Variants in MUC6 observed in about 807,000 individuals in gnomAD.
MUC6 encodes the protein mucin 6, oligomeric mucus/gel-forming (gene/pseudogene), also known as mucin-6.
In MUC6, 188 loss-of-function variants were observed where a neutral mutation model predicts 201.5. The ratio of observed to expected loss-of-function variants is 0.93; its 90% CI spans 0.83 to 1.05. The LOEUF is 1.05. MUC6 is among the 50% of genes least tolerant of loss of function. The pLI is 0.00. For missense variants in MUC6, 2,706 were observed against 3,256.9 expected (o/e 0.83, Z 4.12); for synonymous variants, 1,228 against 1,389.4 (o/e 0.88, Z 2.58).
Position 1,033,293 on chromosome 11 carries a change from A to T in MUC6, c.53-218T>A. 1 of 562,778 alleles carries T rather than the reference A, an allele frequency of 1.8e-6. No homozygotes were observed. The highest frequency in any genetic ancestry group is 3.2e-6 in the Non-Finnish European group (1 of 311,304). The allele number at this position is 562,778 out of a possible 1,614,324, so 34.9% of individuals were successfully genotyped here. A position where few individuals can be genotyped will look rare whatever the true frequency, so the allele number is the denominator to read the frequency against. On this transcript the variant is annotated intron_variant, in intron 1 of 32. Transcript: ENST00000421673. The surrounding 1 kb of genome is among the most constrained non-coding windows in gnomAD (Gnocchi z 5.6). ...CCAGCTTCCTTCCCTGCTCTCGTTC[A>T]CTCCCTCGTTTGTCCACTCAGTCCC...
At chr11:1,031,308 T>C (rs1024545602) in intron 4 of MUC6, 49 bp from the exon 5 acceptor site, 7 of 1,503,442 alleles carry the variant, frequency 4.7e-6, no homozygotes, top group Non-Finnish European at 5.4e-6. Flanking sequence ...GGCCCCCTCA[T>C]CTGCTGTGGA....
intron 16 of MUC6, 76 bp downstream of exon 16, chr11:1,027,609 A>G: frequency 6.3e-7 from 1 of 1,585,750 alleles, no homozygotes; most frequent in Non-Finnish European, 8.6e-7. Flanking sequence ...GCAGAGCCTC[A>G]GAGCTTGGGG....
intron 26 of MUC6, among the ~76,000 whole-genome samples, chr11:1,022,078 C>T (rs1442596733): frequency 7.0e-6 from 1 of 142,866 alleles, no homozygotes; most frequent in African/African-American, 2.8e-5. Context: ...CTCTGCAGCC[C>T]CGCGCCTCTC....
At position 1,033,203 on chromosome 11, in the gene MUC6, C is replaced by T; in HGVS notation, c.53-128G>A. On this transcript the variant is annotated intron_variant, in intron 1 of 32. Transcript: ENST00000421673. This position sits in a 1 kb window ranked among gnomAD's most constrained non-coding sequence, Gnocchi z 5.6. ...TCGGCGTGCGAGAAGTGTCCATGGC[C>T]CGTGGGGCTCGAGGCCTCAACAGCA... 2.2e-6 allele frequency: 2 copies of T among 912,700 alleles called. No homozygotes were observed. The highest frequency in any genetic ancestry group is 3.5e-6 in the Non-Finnish European group (2 of 572,422). The allele number at this position is 912,700 out of a possible 1,614,324, so 56.5% of individuals were successfully genotyped here. A position where few individuals can be genotyped will look rare whatever the true frequency, so the allele number is the denominator to read the frequency against.
intron 7 of MUC6, 35 bp from the exon 8 acceptor site, chr11:1,030,370 A>ACCCCCCCCCCCCCCCCCCCCCCCCCCC: frequency 9.1e-6 from 9 of 992,822 alleles, no homozygotes; most frequent in Non-Finnish European, 1.1e-5. Context: ...AGAGGGTCCC[A>ACCCCCCCCCCCCCCCCCCCCCCCCCCC]CCCCCCCCAC....
chr11:1,014,530 A>G (rs1047567880), intron 31 of MUC6, among the ~76,000 whole-genome samples: 2 of 152,098 alleles, frequency 1.3e-5, no homozygotes, highest in Non-Finnish European at 2.9e-5. Flanking sequence ...GCCCGCGGGG[A>G]AGGCCCAGAG....
In MUC6 at chr11:1,016,937, G is replaced by C. The variant is rs1470818431; in HGVS notation, c.5864C>G (p.Thr1955Ser). The C allele has an allele frequency of 6.2e-7, 1 of 1,614,062 alleles. No individual in the cohort carries two copies. Among genetic ancestry groups the C allele is most frequent in the Non-Finnish European group, 8.5e-7 (1 of 1,179,852 alleles). ...GGGTAGCCTGCTGCTGCTGGCCGAG[G>C]TGGTGTGGGCCACAGGGGTTCTGGT... ...TGTRTPVAHT[T>S]SASSSRLPTP... Residue 1955 changes from threonine (T) to serine (S), a missense_variant, in exon 31 of 33, where the codon ACC (threonine) becomes AGC (serine). Physicochemically the swap from Thr to Ser is moderately conservative, Grantham distance 58. Coordinates refer to ENST00000421673, the MANE Select transcript of MUC6 (RefSeq NM_005961.3).
rs373429421 is a variant in MUC6 at position 1,025,841 on chromosome 11, C to T, written c.2763G>A (p.Gly921=). The part of the protein sequence containing the change: ...LTENVICGNS[G]VTCSRAIKIF... ...TCTTGATGGCCCGTGAGCATGTGAC[C>T]CCGGAGTTCCCACAGATGACGTTCT... Residue 921 remains glycine (G), a synonymous_variant, in exon 22 of 33, where the codon GGG becomes GGA. Transcript: ENST00000421673. 1.9e-5 allele frequency: 30 copies of T among 1,612,932 alleles called. No individual in the cohort carries two copies. The South Asian group carries it at 2.3e-4, about 12-fold the overall frequency.
rs574607461 is a variant in MUC6, at chr11:1,033,056, G to A, written c.72C>T (p.Tyr24=). ...TCAGCCTCTGGAGGCCTGGGCTGGT[G>A]TAGGAGGTGTTAGCCAGACCTGTGT... ...LLSAGLANTS[Y]TSPGLQRLKD... Residue 24 remains tyrosine (Y), a synonymous_variant, in exon 2 of 33, where the codon TAC becomes TAT. Coordinates refer to ENST00000421673, the MANE Select transcript of MUC6 (RefSeq NM_005961.3). This position sits in a 1 kb window ranked among gnomAD's most constrained non-coding sequence, Gnocchi z 5.6. 160 of 1,612,534 alleles carry A rather than the reference G, an allele frequency of 9.9e-5. No individual in the cohort carries two copies. Among genetic ancestry groups the A allele is most frequent in the Admixed American group, 2.0e-4 (12 of 59,976 alleles).
intron 30 of MUC6, among the ~76,000 whole-genome samples, 194 bp from the exon 31 acceptor site, chr11:1,018,964 G>A (rs1856747427): frequency 6.6e-6 from 1 of 152,092 alleles, no homozygotes; most frequent in South Asian, 2.1e-4. Context: ...ATCCTGCCCT[G>A]AGCTGCGTGC....
At position 1,023,509 on chromosome 11, in the gene MUC6, C is replaced by T. The variant is rs1005567746; in HGVS notation, c.3526G>A (p.Gly1176Ser). 1.3e-6 allele frequency: 2 copies of T among 1,576,098 alleles called. No homozygotes were observed. The highest frequency in any genetic ancestry group is 1.3e-5 in the African/African-American group (1 of 74,280). The change falls in exon 26 of 33, where the codon GGC (glycine) becomes AGC (serine). Residue 1176 changes from glycine (G) to serine (S), a missense_variant and splice_region_variant. Gly to Ser is a moderately conservative substitution (Grantham distance 56). Coordinates refer to ENST00000421673, the MANE Select transcript of MUC6 (RefSeq NM_005961.3). ...PQSVPGSNIEGCYNCSQDEYF... is the reference protein window; with the variant it reads ...PQSVPGSNIESCYNCSQDEYF... ...GCGTTGCCTCCCGGTCACCTGGCACCTTCGATGTTGCTGCCTGGGACGCTC... is the reference window on the plus strand; with the variant it reads ...GCGTTGCCTCCCGGTCACCTGGCACTTTCGATGTTGCTGCCTGGGACGCTC...
intron 26 of MUC6, among the ~76,000 whole-genome samples, chr11:1,023,059 A>G (rs1188032197): frequency 1.3e-5 from 2 of 151,164 alleles, no homozygotes; most frequent in African/African-American, 2.4e-5. Flanking sequence ...ATGAATGTGA[A>G]TGAGCGTGAA....
At position 1,013,811 on chromosome 11, in the gene MUC6, G is replaced by T. The variant is rs185633345; in HGVS notation, c.7142+88C>A. ...AGTGGCTCACCTGATGGGGCAGCAG[G>T]CGCCTGGGTGGGGTGCCCGAACCTC... On this transcript the variant is annotated intron_variant, in intron 32 of 32. Transcript: ENST00000421673. The T allele has an allele frequency of 3.4e-4, 489 of 1,442,584 alleles. 3 individuals are homozygous for T. In the East Asian group the frequency reaches 0.01, roughly 30 times the overall value. 89.4% of individuals were successfully genotyped at this position (1,442,584 alleles called of 1,614,324 possible). A position where few individuals can be genotyped will look rare whatever the true frequency, so the allele number is the denominator to read the frequency against.
chr11:1,032,513 ATG>A (rs781699590), intron 2 of MUC6, among the ~76,000 whole-genome samples: 5 of 141,220 alleles, frequency 3.5e-5, no homozygotes, highest in Non-Finnish European at 7.7e-5. Context: ...CGGGGTGTGT[ATG>A]TGTGTGTTGG....
chr11:1,036,471 C>T (rs530662763), intron 1 of MUC6, 133 bp downstream of exon 1: 25 of 1,060,526 alleles, frequency 2.4e-5, no homozygotes, highest in Middle Eastern at 2.4e-4. Context: ...GTCACGGAGC[C>T]GAGCTGGGGC....
intron 25 of MUC6, 59 bp from the exon 26 acceptor site, chr11:1,023,711 C>T (rs941475750): frequency 4.0e-5 from 64 of 1,594,046 alleles, no homozygotes; most frequent in Non-Finnish European, 5.0e-5. Flanking sequence ...GGCCCTGACC[C>T]GGTGGTTCCC....
rs375570726 is a variant in MUC6 at position 1,018,527 on chromosome 11, G to A, written c.4274C>T (p.Thr1425Ile). Residue 1425 changes from threonine to isoleucine, a missense_variant, in exon 31 of 33, where the codon ACA becomes ATA. Coordinates refer to ENST00000421673, the MANE Select transcript of MUC6 (RefSeq NM_005961.3). ...PVPSTGPVTA[T>I]SFHATTTYPT... ...ATAGGTAGTGGTGGCATGGAAAGAT[G>A]TTGCAGTGACAGGACCTGTGGAAGG... 7.4e-6 allele frequency: 12 copies of A among 1,613,730 alleles called. No individual in the cohort carries two copies. Among genetic ancestry groups the A allele is most frequent in the Middle Eastern group, 1.6e-4 (1 of 6,080 alleles).
intron 26 of MUC6, among the ~76,000 whole-genome samples, chr11:1,023,272 GTGGA>G (rs1361990058): frequency 2.0e-5 from 3 of 152,062 alleles, no homozygotes; most frequent in Non-Finnish European, 4.4e-5. Flanking sequence ...GTGTGTGTGA[GTGGA>G]TGAACAAATG....
At chr11:1,036,125 C>T (rs1195968906) in intron 1 of MUC6, among the ~76,000 whole-genome samples, 1 of 152,108 alleles carries the variant, frequency 6.6e-6, no homozygotes, top group African/African-American at 2.4e-5. Flanking sequence ...CCACGGCGGC[C>T]ACACCAGGGG....
Sources: gnomAD v4.1 joint callset for allele counts (sites outside exome capture counted in the v4.1 genomes callset) on GRCh38, gnomAD v4.1.1 for gene constraint, Gnocchi (gnomAD v3.1) non-coding constraint, MANE v1.5 for transcripts, NCBI Gene and HGNC (gene_info 2026-07-23, HGNC 2026-07-21) for gene names.